Variants in SGMS1 observed in about 807,000 individuals in gnomAD.
SGMS1 encodes sphingomyelin synthase 1.
In SGMS1, 13 loss-of-function variants were observed where a neutral mutation model predicts 46.2. The ratio of observed to expected loss-of-function variants is 0.28; its 90% CI spans 0.18 to 0.45. SGMS1 has a LOEUF of 0.45. Among genes scored for constraint, SGMS1 ranks in the 20% least tolerant of loss-of-function variants. The pLI is 1.00. For synonymous variants in SGMS1, 203 were observed against 187.8 expected (o/e 1.08, Z -0.66); for missense variants, 324 against 519.9 (o/e 0.62, Z 3.66).
At chr10:50,407,464 C>T (rs772434725) in intron 6 of SGMS1, among the ~76,000 whole-genome samples, 13 of 152,308 alleles carry the variant, frequency 8.5e-5, no homozygotes, top group Non-Finnish European at 1.5e-4. Flanking sequence ...GAGCACTTCT[C>T]ACCTTATTTT....
upstream of SGMS1, chr10:50,624,165 G>A (rs907130967): frequency 3.1e-6 from 3 of 980,478 alleles, no homozygotes; most frequent in Non-Finnish European, 2.4e-6. Context: ...GGAAACTGAG[G>A]AGGCGGGCGC....
chr10:50,372,482 C>G (rs1466781991), intron 6 of SGMS1, among the ~76,000 whole-genome samples: 2 of 152,092 alleles, frequency 1.3e-5, no homozygotes, highest in African/African-American at 4.8e-5. Flanking sequence ...ATCACGAGGT[C>G]AGGAGATCAA....
chr10:50,516,553 AG>A (rs1284367137), intron 3 of SGMS1, among the ~76,000 whole-genome samples: 1 of 152,240 alleles, frequency 6.6e-6, no homozygotes, highest in Admixed American at 6.5e-5. Flanking sequence ...TCAGTTTCCA[AG>A]GGAGTAAATA....
intron 6 of SGMS1, among the ~76,000 whole-genome samples, chr10:50,387,947 A>T (rs1049052504): frequency 3.9e-5 from 6 of 152,214 alleles, no homozygotes; most frequent in Non-Finnish European, 5.9e-5. Context: ...TTGACCAAAA[A>T]TTGGTGATTG....
chr10:50,485,171 T>C (rs530444136), intron 3 of SGMS1, among the ~76,000 whole-genome samples: 1 of 152,334 alleles, frequency 6.6e-6, no homozygotes, highest in Admixed American at 6.5e-5. Flanking sequence ...CAAAAGCTTC[T>C]TAAGCTGATA....
intron 3 of SGMS1, among the ~76,000 whole-genome samples, chr10:50,512,586 C>T (rs768478180): frequency 3.3e-5 from 5 of 152,150 alleles, no homozygotes; most frequent in Non-Finnish European, 5.9e-5. Context: ...TGGGTCCTAT[C>T]CTGCAATGCC....
chr10:50,354,250 C>G (rs71536326), intron 6 of SGMS1, among the ~76,000 whole-genome samples: 1 of 152,064 alleles, frequency 6.6e-6, no homozygotes, highest in South Asian at 2.1e-4. Flanking sequence ...GAGATATAGA[C>G]CAATGGAACA....
chr10:50,315,143 A>C (rs1239235955), intron 8 of SGMS1, among the ~76,000 whole-genome samples: 2 of 152,240 alleles, frequency 1.3e-5, no homozygotes, highest in Non-Finnish European at 2.9e-5. Context: ...CAAATTATTT[A>C]AAAATAAGTT....
At chr10:50,438,873 T>C (rs1008609685) in intron 5 of SGMS1, among the ~76,000 whole-genome samples, 60 of 152,294 alleles carry the variant, frequency 3.9e-4, no homozygotes, top group African/African-American at 1.4e-3. Flanking sequence ...TAATGAAACA[T>C]ATTAGCCAAG....
At chr10:50,312,657 T>C (rs1237844542) in intron 8 of SGMS1, among the ~76,000 whole-genome samples, 3 of 152,224 alleles carry the variant, frequency 2.0e-5, no homozygotes, top group Admixed American at 2.0e-4. Context: ...CCCAGCCATA[T>C]TACTACTAAG....
chr10:50,433,196 C>G (rs1849427258), intron 6 of SGMS1, among the ~76,000 whole-genome samples: 1 of 152,100 alleles, frequency 6.6e-6, no homozygotes, highest in Non-Finnish European at 1.5e-5. Flanking sequence ...AAATGCTGAC[C>G]ATGTGCAGGG....
chr10:50,516,594 G>T (rs562146811), intron 3 of SGMS1, among the ~76,000 whole-genome samples: 1 of 152,078 alleles, frequency 6.6e-6, no homozygotes, highest in Non-Finnish European at 1.5e-5. Context: ...AAAGAACCCC[G>T]GCAAAAGTGT....
chr10:50,468,253 A>G (rs998605252), intron 3 of SGMS1, among the ~76,000 whole-genome samples: 1 of 152,210 alleles, frequency 6.6e-6, no homozygotes, highest in Non-Finnish European at 1.5e-5. Context: ...AAATAAAGCT[A>G]TTCCTCTTTA....
chr10:50,388,672 C>T (rs571389842), intron 6 of SGMS1, among the ~76,000 whole-genome samples: 20 of 151,918 alleles, frequency 1.3e-4, no homozygotes, highest in African/African-American at 4.3e-4. Context: ...ATATAGCGAG[C>T]GCTTGATATG....
intron 6 of SGMS1, among the ~76,000 whole-genome samples, chr10:50,370,463 C>G (rs539259697): frequency 6.0e-5 from 9 of 150,314 alleles, no homozygotes; most frequent in African/African-American, 2.2e-4. Flanking sequence ...AAGACACAAG[C>G]CAGGCATGGT....
Position 50,307,935 on chromosome 10 carries a change from T to C in SGMS1, c.1062+47A>G. 6.2e-7 allele frequency: 1 copy of C among 1,607,630 alleles called. No individual in the cohort carries two copies. The highest frequency in any genetic ancestry group is 1.3e-5 in the African/African-American group (1 of 74,868). On this transcript the variant is annotated intron_variant, in intron 10 of 10. Transcript: ENST00000361781. The surrounding 1 kb of genome is among the most constrained non-coding windows in gnomAD (Gnocchi z 4.2). ...TTGCACCCTGTCCAAGCCAGCAACA[T>C]CAAGCCAGAAACAACAGAAGCTAAA...
At chr10:50,381,051 A>G (rs1039720441) in intron 6 of SGMS1, among the ~76,000 whole-genome samples, 3 of 148,120 alleles carry the variant, frequency 2.0e-5, no homozygotes, top group Non-Finnish European at 3.0e-5. Flanking sequence ...CTACTCTTGA[A>G]CTCCTGCACT....
intron 2 of SGMS1, among the ~76,000 whole-genome samples, chr10:50,544,727 A>T (rs890406454): frequency 6.6e-6 from 1 of 152,254 alleles, no homozygotes; most frequent in African/African-American, 2.4e-5. Flanking sequence ...AACAGAAAGT[A>T]CAGTATAAAC....
In SGMS1 at chr10:50,587,882, T is replaced by A. The variant is rs184309691; in HGVS notation, c.-589+2271A>T. 4.9e-4 allele frequency among the ~76,000 whole-genome samples: 75 copies of A among 152,296 alleles called. No homozygotes were observed. In the East Asian group the frequency reaches 0.014, roughly 29 times the overall value. On this transcript the variant is annotated intron_variant, in intron 2 of 10. Coordinates refer to ENST00000361781, the MANE Select transcript of SGMS1 (RefSeq NM_147156.4). ...TTAATCTGGGTGCTGGTTACATGGATGTGTTCAATCTGTGAAGTTATATTG... is the reference window on the plus strand; with the variant it reads ...TTAATCTGGGTGCTGGTTACATGGAAGTGTTCAATCTGTGAAGTTATATTG...
Sources: allele counts gnomAD v4.1 joint callset (sites outside exome capture counted in the v4.1 genomes callset), GRCh38; gene constraint gnomAD v4.1.1; non-coding constraint Gnocchi (gnomAD v3.1); transcripts MANE v1.5; gene names NCBI Gene and HGNC (gene_info 2026-07-23, HGNC 2026-07-21).